CDH8: variants seen among roughly 807,000 people sequenced by gnomAD.
CDH8 encodes cadherin-8.
Under a neutral mutation model 68.1 loss-of-function variants are expected in CDH8, and 17 were observed. That is an observed-to-expected ratio of 0.25 (90% CI 0.17 to 0.37). CDH8 has a LOEUF of 0.37. Among genes scored for constraint, CDH8 ranks in the 10% least tolerant of loss-of-function variants. The probability of loss-of-function intolerance (pLI) is 1.00; values close to 1 mark genes in which losing one functional copy is unlikely to be tolerated. For missense variants in CDH8, 763 were observed against 999.3 expected, an observed-to-expected ratio of 0.76 and a Z score of 3.19; for synonymous variants, 372 against 365.1, an observed-to-expected ratio of 1.02 and a Z score of -0.21.
chr16:62,002,918 C>A (rs577651677), intron 2 of CDH8, among the ~76,000 whole-genome samples: 5 of 152,034 alleles, frequency 3.3e-5, no homozygotes, highest in African/African-American at 9.7e-5. Context: ...CTGGGCGTGG[C>A]GGCAGGCACC....
chr16:61,733,246 G>A (rs1362563332), intron 8 of CDH8, among the ~76,000 whole-genome samples: 1 of 151,632 alleles, frequency 6.6e-6, no homozygotes, highest in Non-Finnish European at 1.5e-5. Flanking sequence ...AGCCCTGGAA[G>A]AACCACTAAA....
intron 2 of CDH8, among the ~76,000 whole-genome samples, chr16:61,959,523 C>CTCTCTCTCT (rs1965043958): frequency 7.5e-6 from 1 of 133,526 alleles, no homozygotes; most frequent in African/African-American, 2.9e-5. Context: ...CCTTATCCTC[C>CTCTCTCTCT]CTCTCTCTCT....
intron 2 of CDH8, among the ~76,000 whole-genome samples, chr16:61,941,887 C>T (rs1964730728): frequency 6.6e-6 from 1 of 152,166 alleles, no homozygotes; most frequent in Non-Finnish European, 1.5e-5. Flanking sequence ...TATTTACACA[C>T]TCTCCTTAGG....
At chr16:61,897,080 A>T (rs899214978) in intron 3 of CDH8, among the ~76,000 whole-genome samples, 20 of 143,978 alleles carry the variant, frequency 1.4e-4, no homozygotes, top group Admixed American at 1.0e-3. Flanking sequence ...TATATATATA[A>T]TATAATATAT....
rs570987771 is a variant in CDH8, at chr16:61,651,129, A to T, written c.*2479T>A. ...TGTCTATAATCTTTGGGCACTTCAA[A>T]GTACACTAGAAATGAGTCTGGTGTT... On this transcript the variant is annotated 3_prime_UTR_variant, in exon 12 of 12. Transcript: ENST00000577390. The T allele has an allele frequency of 6.6e-6, 1 of 152,270 alleles. No individual in the cohort carries two copies. The highest frequency in any genetic ancestry group is 1.9e-4 in the East Asian group (1 of 5,166). 9.4% of individuals were successfully genotyped at this position (152,270 alleles called of 1,614,324 possible).
At chr16:61,713,574 T>C (rs1964669379) in intron 10 of CDH8, among the ~76,000 whole-genome samples, 1 of 151,708 alleles carries the variant, frequency 6.6e-6, no homozygotes, top group Admixed American at 6.6e-5. Context: ...AGGGGTTAAA[T>C]TTTACTCTTC....
intron 10 of CDH8, among the ~76,000 whole-genome samples, chr16:61,696,939 C>G (rs9928299): frequency 0.35 from 53,425 of 151,802 alleles, 9,962 homozygotes; most frequent in Middle Eastern, 0.4. Context: ...GGGGACCACT[C>G]GGGGGAGGAA....
chr16:61,719,206 C>A (rs1438575265), intron 9 of CDH8, among the ~76,000 whole-genome samples: 1 of 148,920 alleles, frequency 6.7e-6, no homozygotes, highest in African/African-American at 2.5e-5. Context: ...GCTTGCAGTT[C>A]TGACATACAG....
intron 2 of CDH8, among the ~76,000 whole-genome samples, chr16:61,999,587 CA>C (rs1567562673): frequency 6.6e-6 from 1 of 152,206 alleles, no homozygotes; most frequent in East Asian, 1.9e-4. Flanking sequence ...GTTATAATAA[CA>C]TCTAACTTTT....
intron 2 of CDH8, among the ~76,000 whole-genome samples, chr16:61,974,867 A>G (rs1450851201): frequency 6.6e-6 from 1 of 152,178 alleles, no homozygotes; most frequent in East Asian, 1.9e-4. Flanking sequence ...CCTAGTCCTC[A>G]GTGCCCCATC....
intron 10 of CDH8, among the ~76,000 whole-genome samples, chr16:61,696,754 C>T (rs1964334517): frequency 6.6e-6 from 1 of 152,176 alleles, no homozygotes; most frequent in Non-Finnish European, 1.5e-5. Context: ...AAACACTACA[C>T]ATCCATTAAA....
At chr16:61,677,040 A>G (rs1311994612) in intron 10 of CDH8, among the ~76,000 whole-genome samples, 1 of 152,044 alleles carries the variant, frequency 6.6e-6, no homozygotes, top group Non-Finnish European at 1.5e-5. Context: ...ATGGCTTTTT[A>G]TAAACCTTCC....
intron 9 of CDH8, among the ~76,000 whole-genome samples, chr16:61,721,392 G>A (rs1256833835): frequency 6.6e-6 from 1 of 150,796 alleles, no homozygotes; most frequent in Non-Finnish European, 1.5e-5. Context: ...TGGCAGGAAA[G>A]CTAAAATTAA....
intron 10 of CDH8, among the ~76,000 whole-genome samples, chr16:61,671,463 T>C (rs1229563279): frequency 7.7e-6 from 1 of 129,626 alleles, no homozygotes; most frequent in South Asian, 2.4e-4. Context: ...AAATAGCTGC[T>C]AAAAAAAAAA....
chr16:61,799,546 C>T (rs751287214), intron 7 of CDH8, among the ~76,000 whole-genome samples: 6 of 151,862 alleles, frequency 4.0e-5, no homozygotes, highest in Admixed American at 2.0e-4. Context: ...GCATTTCCTC[C>T]GTCATAAAGT....
chr16:61,924,163 A>C (rs1371073407), intron 2 of CDH8, among the ~76,000 whole-genome samples: 3 of 152,088 alleles, frequency 2.0e-5, no homozygotes, highest in African/African-American at 7.2e-5. Context: ...CTGATACTCT[A>C]AGTGGGATGG....
At chr16:61,710,766 A>T (rs531853464) in intron 10 of CDH8, 2 of 152,070 alleles carry the variant, frequency 1.3e-5, no homozygotes, top group East Asian at 1.9e-4. Flanking sequence ...TACAGTGTTC[A>T]GGCTGAGGAA....
At chr16:61,990,971 G>C (rs1310602767) in intron 2 of CDH8, among the ~76,000 whole-genome samples, 1 of 149,894 alleles carries the variant, frequency 6.7e-6, no homozygotes, top group Non-Finnish European at 1.5e-5. Flanking sequence ...AAGAAAGAAA[G>C]AGAAAGAAAG....
At chr16:62,009,949 A>C (rs1414408223) in intron 2 of CDH8, among the ~76,000 whole-genome samples, 2 of 152,208 alleles carry the variant, frequency 1.3e-5, no homozygotes, top group Middle Eastern at 3.2e-3. Flanking sequence ...AAAATGAGAA[A>C]GCAAAACATC....
Sources: allele counts gnomAD v4.1 joint callset (sites outside exome capture counted in the v4.1 genomes callset), GRCh38; gene constraint gnomAD v4.1.1; transcripts MANE v1.5; gene names NCBI Gene and HGNC (gene_info 2026-07-23, HGNC 2026-07-21).